The following RANBP2 variants were observed in gnomAD, a reference collection of about 807,000 sequenced individuals.
RANBP2 encodes the protein RAN binding protein 2.
RANBP2 carries 57 observed loss-of-function variants against 303.6 expected under a neutral mutation model. That is an observed-to-expected ratio of 0.19 (90% CI 0.15 to 0.23). The LOEUF is 0.23. RANBP2 is among the 10% of genes least tolerant of loss of function. RANBP2 has a pLI of 1.00. For missense variants in RANBP2, 3,138 were observed against 3,780.8 expected (o/e 0.83, Z 4.46); for synonymous variants, 1,167 against 1,301.5 (o/e 0.90, Z 2.23).
the RANBP2 span, chr2:108,839,156 G>T: frequency 6.3e-7 from 1 of 1,578,646 alleles, no homozygotes; most frequent in Admixed American, 1.8e-5. Context: ...CTGTGCCTTT[G>T]TATTTATTTT....
the RANBP2 span, among the ~76,000 whole-genome samples, chr2:108,830,986 C>T: frequency 6.6e-6 from 1 of 152,124 alleles, no homozygotes; most frequent in East Asian, 1.9e-4. Flanking sequence ...ACCAGCCTGA[C>T]CAACATGGAG....
the RANBP2 span, among the ~76,000 whole-genome samples, chr2:109,666,692 T>G: frequency 3.9e-5 from 6 of 152,204 alleles, no homozygotes; most frequent in Non-Finnish European, 7.3e-5. Flanking sequence ...GGCTGCTAAT[T>G]GGAGGAAAAA....
chr2:109,378,026 T>C, the RANBP2 span, among the ~76,000 whole-genome samples: 1 of 152,240 alleles, frequency 6.6e-6, no homozygotes, highest in South Asian at 2.1e-4. Flanking sequence ...GATTTGCCAT[T>C]TTACCTTGGT....
chr2:109,376,728 G>A, the RANBP2 span, among the ~76,000 whole-genome samples: 4 of 152,338 alleles, frequency 2.6e-5, no homozygotes, highest in African/African-American at 7.2e-5. Flanking sequence ...TGTGTTGCTG[G>A]TGTGTGCGTG....
At chr2:108,932,547 A>AG in the RANBP2 span, among the ~76,000 whole-genome samples, 1 of 151,212 alleles carries the variant, frequency 6.6e-6, no homozygotes, top group South Asian at 2.1e-4. Context: ...AAAAAAAAAA[A>AG]AAAAAGAAAG....
chr2:109,521,217 CA>C, the RANBP2 span, among the ~76,000 whole-genome samples: 1,726 of 115,150 alleles, frequency 0.015, 11 homozygotes, highest in Non-Finnish European at 0.023. Context: ...GACTCCGTCT[CA>C]AAAAAAAAAA....
chr2:109,492,134 T>C, the RANBP2 span, among the ~76,000 whole-genome samples: 10 of 152,230 alleles, frequency 6.6e-5, no homozygotes, highest in Non-Finnish European at 1.2e-4. Flanking sequence ...TGTAGATGAA[T>C]GGGCCGGTGT....
the RANBP2 span, among the ~76,000 whole-genome samples, chr2:108,947,373 C>T: frequency 1.6e-4 from 24 of 152,252 alleles, no homozygotes; most frequent in African/African-American, 4.1e-4. Flanking sequence ...CTACCATTCT[C>T]GGGTCTGGAA....
At chr2:109,645,038 C>T in the RANBP2 span, among the ~76,000 whole-genome samples, 1 of 152,192 alleles carries the variant, frequency 6.6e-6, no homozygotes, top group Non-Finnish European at 1.5e-5. Context: ...TGTGTGGCCC[C>T]CAGCAACTAT....
chr2:109,488,203 C>A, the RANBP2 span, among the ~76,000 whole-genome samples: 1 of 152,190 alleles, frequency 6.6e-6, no homozygotes, highest in Non-Finnish European at 1.5e-5. Context: ...AGCCTTAGCA[C>A]TGATGACATT....
chr2:109,302,118 A>G, the RANBP2 span, among the ~76,000 whole-genome samples: 1 of 152,184 alleles, frequency 6.6e-6, no homozygotes, highest in Non-Finnish European at 1.5e-5. Flanking sequence ...CAGAGAATGG[A>G]GAGGCTGGTC....
chr2:108,971,723 A>G, the RANBP2 span, among the ~76,000 whole-genome samples: 2 of 152,252 alleles, frequency 1.3e-5, no homozygotes, highest in African/African-American at 4.8e-5. Flanking sequence ...AGTTGGCATT[A>G]GAAGTCAGGT....
At position 108,766,039 on chromosome 2, in the gene RANBP2, G is replaced by C; in HGVS notation, c.5500G>C (p.Gly1834Arg). The change falls in exon 20 of 29, where the codon GGA becomes CGA. Residue 1834 changes from glycine to arginine, a missense_variant. By Grantham distance (125) the Gly-to-Arg change is moderately radical. Around this residue, in one of 20 missense-constraint regions of RANBP2, gnomAD observed 348 missense variants for 360.4 expected, o/e 0.97. Coordinates refer to ENST00000283195, the MANE Select transcript of RANBP2 (RefSeq NM_006267.5). Reference sequence around the variant, plus strand: ...AGAAATGAAGTTGCATGACTCTTCTGGAAGTCAGGTGGGAACAGGATTTAA... The same window carrying C: ...AGAAATGAAGTTGCATGACTCTTCTCGAAGTCAGGTGGGAACAGGATTTAA... ...GSEMKLHDSS[G>R]SQVGTGFKSN... is the part of the protein sequence containing the mutation. The C allele has an allele frequency of 6.2e-7, 1 of 1,614,166 alleles. No homozygotes were observed. The highest frequency in any genetic ancestry group is 8.5e-7 in the Non-Finnish European group (1 of 1,180,008).
chr2:109,285,818 T>G, the RANBP2 span, among the ~76,000 whole-genome samples: 8 of 152,234 alleles, frequency 5.3e-5, no homozygotes, highest in Admixed American at 5.2e-4. Flanking sequence ...CTTCCAGTCC[T>G]GGCCTTGTTG....
At chr2:109,640,663 C>A in the RANBP2 span, among the ~76,000 whole-genome samples, 1 of 152,140 alleles carries the variant, frequency 6.6e-6, no homozygotes. Context: ...CAGCTCCGGA[C>A]AGTGCCTTCC....
chr2:108,959,802 C>T, the RANBP2 span, among the ~76,000 whole-genome samples: 1 of 152,216 alleles, frequency 6.6e-6, no homozygotes, highest in Admixed American at 6.5e-5. Context: ...GATATGTCTT[C>T]TGAGACACCA....
chr2:109,619,956 A>G, the RANBP2 span, among the ~76,000 whole-genome samples: 209 of 152,328 alleles, frequency 1.4e-3, 3 homozygotes, highest in Non-Finnish European at 4.4e-4. Flanking sequence ...TACAGAAGTC[A>G]TGTGGTTCAC....
intron 2 of RANBP2, 98 bp from the exon 3 acceptor site, chr2:108,730,676 A>T (rs1424119387): frequency 2.8e-6 from 4 of 1,436,736 alleles, no homozygotes; most frequent in African/African-American, 1.4e-5. Flanking sequence ...AATATAAACG[A>T]GTTTAGTGGT....
At chr2:108,893,642 G>A in the RANBP2 span, among the ~76,000 whole-genome samples, 54 of 150,554 alleles carry the variant, frequency 3.6e-4, no homozygotes, top group Non-Finnish European at 7.1e-4. Flanking sequence ...CAGGAAAGAA[G>A]GGTTCTCCCT....
Sources: allele counts gnomAD v4.1 joint callset (sites outside exome capture counted in the v4.1 genomes callset), GRCh38; gene constraint gnomAD v4.1.1; regional missense constraint gnomAD v4.1.1; transcripts MANE v1.5; gene names NCBI Gene and HGNC (gene_info 2026-07-23, HGNC 2026-07-21).